ALDH3A1: variants seen among roughly 807,000 people sequenced by gnomAD.
The protein encoded by ALDH3A1 is aldehyde dehydrogenase 3 family member A1.
A neutral mutation model predicts 49.9 loss-of-function variants in ALDH3A1; 46 were observed. The observed-to-expected ratio is 0.92, with a 90% CI of 0.73 to 1.18. The LOEUF is 1.18. Among genes scored for constraint, ALDH3A1 ranks in the 50% most tolerant of loss-of-function variants. The pLI, the probability that ALDH3A1 is intolerant of heterozygous loss-of-function variation, is 0.00. For missense variants in ALDH3A1, 592 were observed against 611.8 expected, an observed-to-expected ratio of 0.97 and a Z score of 0.34; for synonymous variants, 269 against 253.3, an observed-to-expected ratio of 1.06 and a Z score of -0.59.
chr17:19,739,425 C>T lies in ALDH3A1; in HGVS notation c.1116+83G>A, dbSNP rs1208051826. 6 of 1,479,978 alleles carry T rather than the reference C, an allele frequency of 4.1e-6. No homozygotes were observed. The Admixed American group carries it at 1.0e-4, about 25-fold the overall frequency. The allele number at this position is 1,479,978 out of a possible 1,614,324, so 91.7% of individuals were successfully genotyped here. On this transcript the variant is annotated intron_variant, in intron 8 of 10. Transcript: ENST00000225740. ...AGTGACTTGCCCAAGGTCACACAGCCAGAGAACAGTGAAGCTGCAGTTTGA... is the reference window on the plus strand; with the variant it reads ...AGTGACTTGCCCAAGGTCACACAGCTAGAGAACAGTGAAGCTGCAGTTTGA...
intron 3 of ALDH3A1, chr17:19,742,853 T>C (rs1267908192): frequency 1.8e-5 from 28 of 1,532,096 alleles, no homozygotes; most frequent in Non-Finnish European, 2.4e-5. Context: ...CTGCACCACC[T>C]GGCCCTCTGA....
chr17:19,738,474 C>T (rs754435198), intron 9 of ALDH3A1, 21 bp from the exon 10 acceptor site: 2 of 1,601,182 alleles, frequency 1.2e-6, no homozygotes, highest in Admixed American at 1.7e-5. Context: ...GAAGTAAGCA[C>T]AGGGCTCAGC....
At position 19,742,227 on chromosome 17, in the gene ALDH3A1, G is replaced by C. The variant is rs1361405496; in HGVS notation, c.481-15C>G. The C allele has an allele frequency of 6.2e-7, 1 of 1,612,502 alleles. No homozygotes were observed. Among genetic ancestry groups the C allele is most frequent in the Non-Finnish European group, 8.5e-7 (1 of 1,178,760 alleles). ...GGGTACAGATCCTTCCATGCAAGGA[G>C]AGAGGGGAGGCTCAGCAAAGACCAA... On this transcript the variant is annotated splice_polypyrimidine_tract_variant and intron_variant, in intron 4 of 10. Transcript: ENST00000225740.
rs1555546867 is a variant in ALDH3A1 at position 19,744,901 on chromosome 17, G to GCCGCC, written c.162+66_162+67insGGCGG. Reference sequence around the variant, plus strand: ...ACCTCTCTGGGTCGCACTCTCCCCAGCCCCTCCCCCCACGCCCCATCGCAT... The same window carrying GCCGCC: ...ACCTCTCTGGGTCGCACTCTCCCCAGCCGCCCCCCTCCCCCCACGCCCCATCGCAT... On this transcript the variant is annotated intron_variant, in intron 2 of 10. Coordinates refer to ENST00000225740, the MANE Select transcript of ALDH3A1 (RefSeq NM_000691.5). 3.9e-4 allele frequency: 171 copies of GCCGCC among 437,666 alleles called. 4 individuals are homozygous for GCCGCC. The African/African-American group carries it at 4.2e-3, about 11-fold the overall frequency. 27.1% of individuals were successfully genotyped at this position (437,666 alleles called of 1,614,324 possible).
chr17:19,741,069 C>T, intron 6 of ALDH3A1, 24 bp downstream of exon 6: 1 of 1,593,890 alleles, frequency 6.3e-7, no homozygotes. Context: ...TCTCATCCCA[C>T]CCTGCCAAGG....
intron 3 of ALDH3A1, 103 bp from the exon 4 acceptor site, chr17:19,742,733 G>A (rs773492019): frequency 6.3e-7 from 1 of 1,584,606 alleles, no homozygotes; most frequent in South Asian, 1.1e-5. Flanking sequence ...TGTGTCCTCG[G>A]GACAGTGGAT....
In ALDH3A1 at chr17:19,738,032, G is replaced by A; in HGVS notation, c.*189C>T. 1 of 1,518,054 alleles carries A rather than the reference G, an allele frequency of 6.6e-7. No individual in the cohort carries two copies. 94.0% of individuals were successfully genotyped at this position (1,518,054 alleles called of 1,614,324 possible). ...TCGTCTCTTTATTGGTCTAGAAAGG[G>A]GTGGAGACTTGGAATGGTGAGGCCT... On this transcript the variant is annotated 3_prime_UTR_variant, in exon 11 of 11. Coordinates refer to ENST00000225740, the MANE Select transcript of ALDH3A1 (RefSeq NM_000691.5).
chr17:19,742,329 T>A (rs534470915), intron 4 of ALDH3A1, 117 bp from the exon 5 acceptor site: 4 of 1,225,462 alleles, frequency 3.3e-6, no homozygotes, highest in African/African-American at 3.0e-5. Flanking sequence ...CACCCCACCT[T>A]GGGCGGGGGG....
Position 19,742,637 on chromosome 17 carries a change from A to T in ALDH3A1, c.395-7T>A. 1 of 1,613,826 alleles carries T rather than the reference A, an allele frequency of 6.2e-7. No homozygotes were observed. Among genetic ancestry groups the T allele is most frequent in the Non-Finnish European group, 8.5e-7 (1 of 1,180,002 alleles). Reference sequence around the variant, plus strand: ...TTGAGGACCACTGAGTTCCCTGCAGAGCACACCGAGCCAGGCCTATGCCCA... The same window carrying T: ...TTGAGGACCACTGAGTTCCCTGCAGTGCACACCGAGCCAGGCCTATGCCCA... On this transcript the variant is annotated splice_region_variant and splice_polypyrimidine_tract_variant and intron_variant, in intron 3 of 10. Transcript: ENST00000225740.
intron 2 of ALDH3A1, chr17:19,744,600 C>T: frequency 2.0e-6 from 2 of 985,354 alleles, no homozygotes; most frequent in Non-Finnish European, 2.4e-6. Context: ...GGAGAGCCCC[C>T]CATGCCCTCC....
chr17:19,740,079 C>T, intron 7 of ALDH3A1: 1 of 507,402 alleles, frequency 2.0e-6, no homozygotes. Context: ...GCTGTCCCTG[C>T]TCCTGCTGCT....
intron 6 of ALDH3A1, 46 bp from the exon 7 acceptor site, chr17:19,740,523 T>C (rs771070366): frequency 1.9e-6 from 3 of 1,606,196 alleles, no homozygotes; most frequent in East Asian, 2.2e-5. Flanking sequence ...CAGAGCCTCG[T>C]CCTGCCCAAA....
intron 3 of ALDH3A1, chr17:19,742,865 T>C (rs1424712021): frequency 3.9e-6 from 6 of 1,531,002 alleles, no homozygotes; most frequent in Admixed American, 2.0e-5. Flanking sequence ...GCCCTCTGAG[T>C]TGCTGAGATG....
Position 19,743,979 on chromosome 17 carries a change from G to A in ALDH3A1, c.163-516C>T. On this transcript the variant is annotated intron_variant, in intron 2 of 10. Transcript: ENST00000225740. The surrounding 1 kb of genome is among the most constrained non-coding windows in gnomAD (Gnocchi z 4.4). ...GGGGTGAGAAGAGGAGATGCAGACG[G>A]CGGAAAACGCGTCTCTTTTATAAAC... 1 of 985,352 alleles carries A rather than the reference G, an allele frequency of 1.0e-6. No individual in the cohort carries two copies. The highest frequency in any genetic ancestry group is 1.2e-6 in the Non-Finnish European group (1 of 829,882). 61.0% of individuals were successfully genotyped at this position (985,352 alleles called of 1,614,324 possible).
chr17:19,744,530 G>T (rs1033079888), intron 2 of ALDH3A1: 9 of 985,364 alleles, frequency 9.1e-6, no homozygotes, highest in Non-Finnish European at 1.1e-5. Flanking sequence ...CGAATGCAGA[G>T]GTGTCTGGTC....
Position 19,748,174 on chromosome 17 carries a change from G to A in ALDH3A1, c.-6+85C>T. The A allele has an allele frequency of 2.7e-6, 1 of 369,018 alleles. No homozygotes were observed. The highest frequency in any genetic ancestry group is 5.4e-6 in the Non-Finnish European group (1 of 183,638). 22.9% of individuals were successfully genotyped at this position (369,018 alleles called of 1,614,324 possible). A position where few individuals can be genotyped will look rare whatever the true frequency, so the allele number is the denominator to read the frequency against. ...GGGACCCCCTGGAGAGATGATGTAG[G>A]ACTCTTGACACTTAGGGCCCCGGCT... On this transcript the variant is annotated intron_variant, in intron 1 of 10. Coordinates refer to ENST00000225740, the MANE Select transcript of ALDH3A1 (RefSeq NM_000691.5). The surrounding 1 kb of genome is among the most constrained non-coding windows in gnomAD (Gnocchi z 4.4).
rs1294961407 is a variant in ALDH3A1 at position 19,742,560 on chromosome 17, G to A, written c.465C>T (p.Pro155=). The A allele has an allele frequency of 6.2e-7, 1 of 1,613,706 alleles. No individual in the cohort carries two copies. Among genetic ancestry groups the A allele is most frequent in the South Asian group, 1.1e-5 (1 of 91,070 alleles). Residue 155 remains proline (P), a synonymous_variant, in exon 4 of 11, where the codon CCC becomes CCT. Coordinates refer to ENST00000225740, the MANE Select transcript of ALDH3A1 (RefSeq NM_000691.5). ...NMASLLATII[P]QYLDKDLYPV... ...GGCAACTCACCTTGTCCAGGTACTG[G>A]GGGATGATGGTAGCCAGCAGGCTCG...
At chr17:19,738,659 C>T in intron 9 of ALDH3A1, 1 of 741,316 alleles carries the variant, frequency 1.3e-6, no homozygotes, top group Admixed American at 2.9e-5. Flanking sequence ...TGAGGGTGGC[C>T]AATGTCTAGG....
At chr17:19,746,626 T>TGTGC (rs778156951) in intron 1 of ALDH3A1, among the ~76,000 whole-genome samples, 7 of 134,958 alleles carry the variant, frequency 5.2e-5, no homozygotes, top group Non-Finnish European at 9.0e-5. Flanking sequence ...TGTGTGTGCG[T>TGTGC]GTGTGTGTGT....
Sources: allele counts gnomAD v4.1 joint callset (sites outside exome capture counted in the v4.1 genomes callset), GRCh38; gene constraint gnomAD v4.1.1; non-coding constraint Gnocchi (gnomAD v3.1); transcripts MANE v1.5; gene names NCBI Gene and HGNC (gene_info 2026-07-23, HGNC 2026-07-21).